TNKS: variants seen among roughly 807,000 people sequenced by gnomAD.
TNKS encodes the protein tankyrase, also known as poly [ADP-ribose] polymerase tankyrase-1.
TNKS carries 72 observed loss-of-function variants against 135.8 expected under a neutral mutation model. The ratio of observed to expected loss-of-function variants is 0.53; its 90% CI spans 0.44 to 0.64. The LOEUF (loss-of-function observed/expected upper bound fraction) is 0.64, where lower values mean the gene tolerates loss of function less well. TNKS is among the 30% of genes least tolerant of loss of function. The probability of loss-of-function intolerance (pLI) is 0.00; values close to 1 mark genes in which losing one functional copy is unlikely to be tolerated. For synonymous variants in TNKS, 849 were observed against 649.3 expected (o/e 1.31, Z -4.68); for missense variants, 1,769 against 1,674.0 (o/e 1.06, Z -0.99).
chr8:9,703,359 A>G (rs1216981840), intron 5 of TNKS, among the ~76,000 whole-genome samples: 1 of 152,234 alleles, frequency 6.6e-6, no homozygotes, highest in African/African-American at 2.4e-5. Context: ...ACTAAAATTA[A>G]CCACAGGTAA....
At chr8:9,650,471 CCAA>C (rs1801105073) in intron 3 of TNKS, among the ~76,000 whole-genome samples, 1 of 152,154 alleles carries the variant, frequency 6.6e-6, no homozygotes, top group African/African-American at 2.4e-5. Context: ...CATATCCACA[CCAA>C]CATCTGTTAT....
chr8:9,630,652 A>G (rs879853710), intron 3 of TNKS, among the ~76,000 whole-genome samples: 3 of 152,220 alleles, frequency 2.0e-5, no homozygotes, highest in Admixed American at 6.5e-5. Flanking sequence ...AGAGTATGCA[A>G]TGTCTGGCCC....
rs954959240 is a variant in TNKS, at chr8:9,778,486, G to C, written c.*1750G>C. 5 of 152,604 alleles carry C rather than the reference G, an allele frequency of 3.3e-5. No individual in the cohort carries two copies. The highest frequency in any genetic ancestry group is 7.3e-5 in the Non-Finnish European group (5 of 68,042). The allele number at this position is 152,604 out of a possible 1,614,324, so 9.5% of individuals were successfully genotyped here. A position where few individuals can be genotyped will look rare whatever the true frequency, so the allele number is the denominator to read the frequency against. ...TGGCTTCAACCCAGTGCTGGAACTA[G>C]GCATCCAGACTAGTTTGAATGTTTG... On this transcript the variant is annotated 3_prime_UTR_variant, in exon 27 of 27. Coordinates refer to ENST00000310430, the MANE Select transcript of TNKS (RefSeq NM_003747.3).
chr8:9,729,444 T>G (rs1805316376), intron 13 of TNKS, among the ~76,000 whole-genome samples: 1 of 152,218 alleles, frequency 6.6e-6, no homozygotes, highest in African/African-American at 2.4e-5. Flanking sequence ...CTTTATAGCC[T>G]AGAGCATGCT....
intron 5 of TNKS, among the ~76,000 whole-genome samples, chr8:9,686,647 CT>C (rs1183646399): frequency 2.0e-5 from 3 of 152,080 alleles, no homozygotes; most frequent in Non-Finnish European, 4.4e-5. Context: ...GTATTTACGT[CT>C]TTAGATATGT....
intron 2 of TNKS, among the ~76,000 whole-genome samples, chr8:9,581,618 C>G (rs570453148): frequency 6.6e-6 from 1 of 152,316 alleles, no homozygotes; most frequent in South Asian, 2.1e-4. Context: ...AGGCTTTCAT[C>G]TTCTCTGCTG....
chr8:9,733,578 A>G (rs1461279532), intron 15 of TNKS, 134 bp downstream of exon 15: 8 of 726,262 alleles, frequency 1.1e-5, no homozygotes, highest in Non-Finnish European at 2.2e-6. Flanking sequence ...TCTATTTCCC[A>G]GAAGACCGTT....
chr8:9,559,420 A>G (rs753652735), intron 1 of TNKS, among the ~76,000 whole-genome samples: 82 of 152,332 alleles, frequency 5.4e-4, no homozygotes, highest in Non-Finnish European at 1.1e-3. Flanking sequence ...TTACAGTTCT[A>G]TAGAATGAAA....
chr8:9,604,725 G>T (rs1799152922), intron 2 of TNKS, among the ~76,000 whole-genome samples: 1 of 151,456 alleles, frequency 6.6e-6, no homozygotes, highest in Non-Finnish European at 1.5e-5. Context: ...AAAATCTGTG[G>T]CATTAGCTCT....
At chr8:9,609,341 C>A (rs185268244) in intron 2 of TNKS, among the ~76,000 whole-genome samples, 102 of 152,276 alleles carry the variant, frequency 6.7e-4, no homozygotes, top group Admixed American at 5.2e-3. Context: ...AAATCAAATT[C>A]TAGGCTTTAG....
At chr8:9,638,097 C>T (rs954576287) in intron 3 of TNKS, among the ~76,000 whole-genome samples, 1 of 152,116 alleles carries the variant, frequency 6.6e-6, no homozygotes, top group African/African-American at 2.4e-5. Flanking sequence ...GCCTCCCAAA[C>T]CCAAGTAGCT....
At chr8:9,564,047 TAGC>T (rs1797434293) in intron 1 of TNKS, among the ~76,000 whole-genome samples, 1 of 152,330 alleles carries the variant, frequency 6.6e-6, no homozygotes, top group Admixed American at 6.5e-5. Flanking sequence ...TTTACAGTAG[TAGC>T]ATTTAAATTA....
In TNKS at chr8:9,674,760, A is replaced by G. The variant is rs191259953; in HGVS notation, c.995-5191A>G. On this transcript the variant is annotated intron_variant, in intron 3 of 26. Transcript: ENST00000310430. ...TGATGTTAGCTAGTTTAAAAGGTCAAGGTTCCAGGAGACAAGGAAAGGGTC... is the reference window on the plus strand; with the variant it reads ...TGATGTTAGCTAGTTTAAAAGGTCAGGGTTCCAGGAGACAAGGAAAGGGTC... 3.5e-3 allele frequency among the ~76,000 whole-genome samples: 527 copies of G among 152,320 alleles called. 5 individuals carry two copies. Among genetic ancestry groups the G allele is most frequent in the Non-Finnish European group, 2.2e-3 (148 of 68,024 alleles).
At chr8:9,709,803 A>T in intron 9 of TNKS, 152 bp from the exon 10 acceptor site, 1 of 634,280 alleles carries the variant, frequency 1.6e-6, no homozygotes, top group Non-Finnish European at 2.7e-6. Context: ...CGTAGAAAGA[A>T]TATGGATCAT....
intron 2 of TNKS, among the ~76,000 whole-genome samples, chr8:9,600,878 C>T (rs1369419094): frequency 6.6e-6 from 1 of 152,176 alleles, no homozygotes; most frequent in Non-Finnish European, 1.5e-5. Context: ...TTTCTACAGT[C>T]AGCATTATTA....
chr8:9,587,727 A>C (rs1054514491), intron 2 of TNKS, among the ~76,000 whole-genome samples: 1 of 152,078 alleles, frequency 6.6e-6, no homozygotes, highest in African/African-American at 2.4e-5. Flanking sequence ...GCCCAATGAG[A>C]CTTACGTCAG....
chr8:9,671,085 C>T (rs1362607383), intron 3 of TNKS: 1 of 152,130 alleles, frequency 6.6e-6, no homozygotes, highest in Non-Finnish European at 1.5e-5. Context: ...GAAATTGTGG[C>T]AGTGCCATCA....
Position 9,726,637 on chromosome 8 carries a change from G to A in TNKS, c.1922-4G>A. ...ATATGAGTTCTTTCCTTCCTTTTATGCAGAGAGTACACCTATACGTACTTC... is the reference window on the plus strand; with the variant it reads ...ATATGAGTTCTTTCCTTCCTTTTATACAGAGAGTACACCTATACGTACTTC... On this transcript the variant is annotated splice_region_variant and splice_polypyrimidine_tract_variant and intron_variant, in intron 12 of 26. Transcript: ENST00000310430. 6.2e-7 allele frequency: 1 copy of A among 1,600,546 alleles called. No homozygotes were observed. Among genetic ancestry groups the A allele is most frequent in the East Asian group, 2.2e-5 (1 of 44,646 alleles).
rs183877063 is a variant in TNKS, at chr8:9,624,414, T to C, written c.994+8737T>C. Among the ~76,000 whole-genome samples the C allele has an allele frequency of 4.8e-3, 728 of 152,362 alleles. 10 individuals are homozygous for C. The highest frequency in any genetic ancestry group is 0.017 in the African/African-American group (708 of 41,582). On this transcript the variant is annotated intron_variant, in intron 3 of 26. Coordinates refer to ENST00000310430, the MANE Select transcript of TNKS (RefSeq NM_003747.3). ...TTACTAGCTCTGTTCTTCAAGATTT[T>C]TATTAAACTTTTATTTTGACATAAT...
Sources: allele counts gnomAD v4.1 joint callset (sites outside exome capture counted in the v4.1 genomes callset), GRCh38; gene constraint gnomAD v4.1.1; transcripts MANE v1.5; gene names NCBI Gene and HGNC (gene_info 2026-07-23, HGNC 2026-07-21).